The following INCENP variants were observed in gnomAD, a reference collection of about 807,000 sequenced individuals.
The protein encoded by INCENP is inner centromere protein, also known as binds and activates aurora-B and -C in vivo and in vitro.
Under a neutral mutation model 107.3 loss-of-function variants are expected in INCENP, and 43 were observed. The observed-to-expected ratio is 0.40, with a 90% CI of 0.31 to 0.52. The LOEUF (loss-of-function observed/expected upper bound fraction) is 0.52, where lower values mean the gene tolerates loss of function less well. Ranked by LOEUF, INCENP falls within the 20% of genes least tolerant of loss-of-function variation. INCENP has a pLI of 0.53. For synonymous variants in INCENP, 488 were observed against 494.4 expected (o/e 0.99, Z 0.17); for missense variants, 1,089 against 1,250.9 (o/e 0.87, Z 1.95).
At chr11:62,139,077 C>A in intron 7 of INCENP, 72 bp downstream of exon 7, 1 of 1,041,266 alleles carries the variant, frequency 9.6e-7, no homozygotes, top group Non-Finnish European at 1.5e-6. Flanking sequence ...GCCTGACCTT[C>A]TCTCTGGGGA....
chr11:62,141,938 G>A (rs994029159), intron 11 of INCENP, among the ~76,000 whole-genome samples: 3 of 152,248 alleles, frequency 2.0e-5, no homozygotes, highest in Non-Finnish European at 4.4e-5. Context: ...AGGCAGTGGG[G>A]TGATGGGGGA....
At position 62,128,767 on chromosome 11, in the gene INCENP, CAG is replaced by C; in HGVS notation, c.142_143del. ...CGAGTGACACCCTCCTTGTGCCAAA[CAG>C]AGAATTCAGCAAAGAGCCAGAGCTG... is the stretch of plus-strand genomic sequence containing the variant. On this transcript the variant is annotated splice_acceptor_variant, in intron 2 of 18. Transcript: ENST00000394818. 6.2e-7 allele frequency: 1 copy of C among 1,607,720 alleles called. No individual in the cohort carries two copies. The highest frequency in any genetic ancestry group is 1.7e-4 in the Middle Eastern group (1 of 6,050).
intron 3 of INCENP, among the ~76,000 whole-genome samples, chr11:62,129,281 G>A (rs1414846443): frequency 6.6e-6 from 1 of 152,186 alleles, no homozygotes; most frequent in Non-Finnish European, 1.5e-5. Flanking sequence ...GAATGATTGG[G>A]GCTGCAGAGT....
At chr11:62,138,161 GA>G (rs1590616180) in intron 5 of INCENP, among the ~76,000 whole-genome samples, 1 of 152,328 alleles carries the variant, frequency 6.6e-6, no homozygotes. Context: ...GGGCTGCCAG[GA>G]AGAGCTACAT....
At chr11:62,147,632 C>T (rs527289631) in intron 15 of INCENP, among the ~76,000 whole-genome samples, 56 of 152,276 alleles carry the variant, frequency 3.7e-4, no homozygotes, top group African/African-American at 1.1e-3. Context: ...TTCCCTCTCC[C>T]GCTCTACCTC....
chr11:62,139,086 G>A (rs1038481232), intron 7 of INCENP, 81 bp downstream of exon 7: 7 of 960,472 alleles, frequency 7.3e-6, no homozygotes, highest in Non-Finnish European at 1.2e-5. Flanking sequence ...TCTCTCTGGG[G>A]ATAAGGAAGC....
intron 4 of INCENP, 150 bp downstream of exon 4, chr11:62,130,740 G>A (rs993786979): frequency 2.8e-5 from 19 of 685,402 alleles, no homozygotes; most frequent in South Asian, 7.7e-5. Flanking sequence ...GATGGTGGCC[G>A]CTAGCTGGCC....
rs779941260 is a variant in INCENP at position 62,140,904 on chromosome 11, C to T, written c.1462-9C>T. 1.7e-5 allele frequency: 28 copies of T among 1,613,968 alleles called. No individual in the cohort carries two copies. The East Asian group carries it at 3.1e-4, about 18-fold the overall frequency. On this transcript the variant is annotated splice_polypyrimidine_tract_variant and intron_variant, in intron 9 of 18. Transcript: ENST00000394818. Reference sequence around the variant, plus strand: ...CCTGCCCACTTCTGACCCTGGTCCTCGTCTGCAGGTGGTACGGCCCCTCCG... The same window carrying T: ...CCTGCCCACTTCTGACCCTGGTCCTTGTCTGCAGGTGGTACGGCCCCTCCG...
chr11:62,141,550 C>T (rs1944122972), intron 11 of INCENP, 39 bp downstream of exon 11: 1 of 1,613,338 alleles, frequency 6.2e-7, no homozygotes, highest in African/African-American at 1.3e-5. Flanking sequence ...CTCGCCCCAC[C>T]TAGCACTCAC....
intron 4 of INCENP, 22 bp from the exon 5 acceptor site, chr11:62,137,810 G>A: frequency 6.2e-7 from 1 of 1,613,208 alleles, no homozygotes; most frequent in South Asian, 1.1e-5. Flanking sequence ...GAGATCTTTT[G>A]TGCCTTTCTT....
intron 2 of INCENP, 76 bp from the exon 3 acceptor site, chr11:62,128,694 A>T (rs1297092081): frequency 2.0e-6 from 2 of 1,024,716 alleles, no homozygotes; most frequent in South Asian, 2.6e-5. Flanking sequence ...GGAAATGGGC[A>T]GGGGCCAGGC....
chr11:62,141,556 C>T (rs1944123225), intron 11 of INCENP, 45 bp downstream of exon 11: 1 of 1,612,722 alleles, frequency 6.2e-7, no homozygotes, highest in Non-Finnish European at 8.5e-7. Context: ...CCACCTAGCA[C>T]TCACCCGCTG....
At position 62,146,820 on chromosome 11, in the gene INCENP, C is replaced by T. The variant is rs1335229065; in HGVS notation, c.2122C>T (p.Arg708Trp). Residue 708 changes from arginine to tryptophan, a missense_variant, in exon 15 of 19, where the codon CGG becomes TGG. Physicochemically the swap from Arg to Trp is moderately radical, Grantham distance 101 (BLOSUM62 -3). Transcript: ENST00000394818. Reference sequence around the variant, plus strand: ...GCAGGAGCGGCGCGAGCAGGAGCGGCGGGAGCAGGAGCGGCGCGAGCAGGA... The same window carrying T: ...GCAGGAGCGGCGCGAGCAGGAGCGGTGGGAGCAGGAGCGGCGCGAGCAGGA... ...REQERREQER[R>W]EQERREQERQ... 5.7e-5 allele frequency: 87 copies of T among 1,539,022 alleles called. No homozygotes were observed. Among genetic ancestry groups the T allele is most frequent in the East Asian group, 1.5e-4 (6 of 40,808 alleles).
intron 6 of INCENP, 41 bp downstream of exon 6, chr11:62,138,811 G>A (rs1482885185): frequency 6.2e-7 from 1 of 1,609,044 alleles, no homozygotes; most frequent in African/African-American, 1.3e-5. Flanking sequence ...CACCTCTGGG[G>A]CTCCCGCTCT....
intron 7 of INCENP, among the ~76,000 whole-genome samples, chr11:62,139,552 G>A (rs1220043467): frequency 2.6e-5 from 4 of 152,208 alleles, no homozygotes; most frequent in African/African-American, 4.8e-5. Context: ...TCTTTACGAC[G>A]TGGTCAGGGA....
At chr11:62,138,137 T>C (rs1418854706) in intron 5 of INCENP, among the ~76,000 whole-genome samples, 1 of 151,956 alleles carries the variant, frequency 6.6e-6, no homozygotes, top group Non-Finnish European at 1.5e-5. Context: ...GCTCCAGAGG[T>C]TGGGGGTGAG....
chr11:62,139,889 C>T (rs150832574), intron 7 of INCENP, among the ~76,000 whole-genome samples: 1 of 152,314 alleles, frequency 6.6e-6, no homozygotes, highest in Non-Finnish European at 1.5e-5. Flanking sequence ...ATCATAGAGC[C>T]AGGCACTCGC....
At chr11:62,141,677 C>G in intron 11 of INCENP, 166 bp downstream of exon 11, 3 of 903,190 alleles carry the variant, frequency 3.3e-6, no homozygotes, top group South Asian at 1.4e-5. Context: ...GCTGGAGGCG[C>G]CCAGCAGTTC....
intron 7 of INCENP, among the ~76,000 whole-genome samples, chr11:62,139,962 A>G (rs980980141): frequency 6.6e-6 from 1 of 152,136 alleles, no homozygotes; most frequent in Non-Finnish European, 1.5e-5. Context: ...TATTTTTAGT[A>G]GAGGCCGGGT....
Sources: gnomAD v4.1 joint callset for allele counts (sites outside exome capture counted in the v4.1 genomes callset) on GRCh38, gnomAD v4.1.1 for gene constraint, MANE v1.5 for transcripts, NCBI Gene and HGNC (gene_info 2026-07-23, HGNC 2026-07-21) for gene names.